The following WWOX variants were observed in gnomAD, a reference collection of about 807,000 sequenced individuals.
WWOX encodes WW domain containing oxidoreductase, also known as WW domain-containing oxidoreductase.
WWOX carries 69 observed loss-of-function variants against 46.2 expected under a neutral mutation model. The observed-to-expected ratio is 1.49, with a 90% CI of 1.23 to 1.82. WWOX has a LOEUF of 1.82. Among genes scored for constraint, WWOX ranks in the 40% most tolerant of loss-of-function variants. The pLI is 0.00. For missense variants in WWOX, 919 were observed against 542.6 expected, an observed-to-expected ratio of 1.69 and a Z score of -6.89; for synonymous variants, 359 against 202.6, an observed-to-expected ratio of 1.77 and a Z score of -6.56.
chr16:78,690,628 A>C (rs954482024), intron 8 of WWOX, among the ~76,000 whole-genome samples: 5 of 151,888 alleles, frequency 3.3e-5, no homozygotes, highest in African/African-American at 1.2e-4. Flanking sequence ...CACACACATG[A>C]ATATATTCAC....
At chr16:78,342,634 C>T (rs924923731) in intron 5 of WWOX, among the ~76,000 whole-genome samples, 1 of 119,750 alleles carries the variant, frequency 8.4e-6, no homozygotes, top group Non-Finnish European at 2.0e-5. Flanking sequence ...ACAGGGAAGC[C>T]CAGAAAAATG....
At chr16:78,205,864 C>T (rs1429098825) in intron 5 of WWOX, among the ~76,000 whole-genome samples, 1 of 151,802 alleles carries the variant, frequency 6.6e-6, no homozygotes, top group Non-Finnish European at 1.5e-5. Context: ...TTCCTTCCTT[C>T]CTTCCGTCCT....
intron 8 of WWOX, among the ~76,000 whole-genome samples, chr16:78,708,015 A>T (rs1282478195): frequency 1.3e-5 from 2 of 152,156 alleles, no homozygotes; most frequent in East Asian, 1.9e-4. Context: ...TCCCATGGCT[A>T]GGATTGTCAG....
intron 4 of WWOX, among the ~76,000 whole-genome samples, chr16:78,149,811 GC>G (rs1275131733): frequency 2.6e-5 from 4 of 152,120 alleles, no homozygotes; most frequent in African/African-American, 4.8e-5. Flanking sequence ...GGCATTCCAG[GC>G]TGGTTTCTCC....
intron 8 of WWOX, among the ~76,000 whole-genome samples, chr16:78,889,612 G>A (rs2151225926): frequency 6.6e-6 from 1 of 152,178 alleles, no homozygotes; most frequent in East Asian, 1.9e-4. Context: ...AGCGTGCCCA[G>A]GGGAAATGGA....
Position 79,049,967 on chromosome 16 carries a change from C to G in WWOX, c.1057-161641C>G, listed in dbSNP as rs1240482718. ...GAAAGACTCCAGGGCAAGAAAAAAACATGTCATGCTTGTACCTGAGGGAAG... is the reference window on the plus strand; with the variant it reads ...GAAAGACTCCAGGGCAAGAAAAAAAGATGTCATGCTTGTACCTGAGGGAAG... On this transcript the variant is annotated intron_variant, in intron 8 of 8. Transcript: ENST00000566780. 8.6e-5 allele frequency among the ~76,000 whole-genome samples: 13 copies of G among 151,714 alleles called. No homozygotes were observed. The East Asian group carries it at 2.3e-3, about 27-fold the overall frequency.
intron 8 of WWOX, among the ~76,000 whole-genome samples, chr16:78,658,057 G>C (rs957540907): frequency 6.6e-6 from 1 of 151,986 alleles, no homozygotes; most frequent in South Asian, 2.1e-4. Context: ...TGTTGGGGGG[G>C]ATTTCCTGTG....
At chr16:78,736,751 C>A (rs150808516) in intron 8 of WWOX, among the ~76,000 whole-genome samples, 1 of 152,220 alleles carries the variant, frequency 6.6e-6, no homozygotes, top group African/African-American at 2.4e-5. Flanking sequence ...AGGCGCATGC[C>A]TCCACATCTG....
chr16:79,130,002 A>T (rs1203947011), intron 8 of WWOX, among the ~76,000 whole-genome samples: 1 of 152,220 alleles, frequency 6.6e-6, no homozygotes, highest in Non-Finnish European at 1.5e-5. Flanking sequence ...AAAAACAGCT[A>T]ATATTTACAG....
At chr16:79,071,597 T>C (rs1480544177) in intron 8 of WWOX, among the ~76,000 whole-genome samples, 2 of 152,274 alleles carry the variant, frequency 1.3e-5, no homozygotes, top group Non-Finnish European at 2.9e-5. Flanking sequence ...GCCAGCCTCC[T>C]GTCCCATTAC....
At chr16:79,031,905 T>TAG (rs1567501240) in intron 8 of WWOX, among the ~76,000 whole-genome samples, 659 of 51,316 alleles carry the variant, frequency 0.013, 6 homozygotes, top group African/African-American at 0.026. Flanking sequence ...GATATCTATA[T>TAG]ATATAGATAT....
chr16:78,901,126 G>C (rs1450715391), intron 8 of WWOX, among the ~76,000 whole-genome samples: 1 of 152,114 alleles, frequency 6.6e-6, no homozygotes, highest in Admixed American at 6.6e-5. Flanking sequence ...CTTCAAGCTG[G>C]GATTCAGAGT....
intron 8 of WWOX, among the ~76,000 whole-genome samples, chr16:78,947,075 G>C (rs1313018122): frequency 6.7e-6 from 1 of 148,804 alleles, no homozygotes; most frequent in Non-Finnish European, 1.5e-5. Flanking sequence ...TTAAAAAAAA[G>C]CCTTACTGCT....
chr16:78,649,345 G>A (rs974287257), intron 8 of WWOX, among the ~76,000 whole-genome samples: 1 of 151,940 alleles, frequency 6.6e-6, no homozygotes, highest in Non-Finnish European at 1.5e-5. Context: ...GTGCAGTGGT[G>A]CAATCCTAGC....
chr16:78,656,036 T>C (rs1426491790), intron 8 of WWOX, among the ~76,000 whole-genome samples: 1 of 152,184 alleles, frequency 6.6e-6, no homozygotes, highest in South Asian at 2.1e-4. Flanking sequence ...ACCAAAGGTC[T>C]GTTTTGAAAT....
chr16:78,648,610 C>T (rs11865031), intron 8 of WWOX, among the ~76,000 whole-genome samples: 5,099 of 152,200 alleles, frequency 0.034, 254 homozygotes, highest in African/African-American at 0.12. Context: ...CAACGCAGGA[C>T]CAACCAGAGA....
intron 8 of WWOX, among the ~76,000 whole-genome samples, chr16:78,724,650 A>G (rs1397581685): frequency 6.6e-6 from 1 of 152,314 alleles, no homozygotes; most frequent in Non-Finnish European, 1.5e-5. Flanking sequence ...AAACATTTCC[A>G]TGCAATTCCC....
chr16:78,333,171 C>T (rs994925104), intron 5 of WWOX, among the ~76,000 whole-genome samples: 1 of 149,608 alleles, frequency 6.7e-6, no homozygotes, highest in Non-Finnish European at 1.5e-5. Context: ...CTGCCTCAGC[C>T]TCCTGGGTAG....
chr16:78,607,471 A>G (rs923745572), intron 8 of WWOX, among the ~76,000 whole-genome samples: 1 of 152,166 alleles, frequency 6.6e-6, no homozygotes, highest in Admixed American at 6.5e-5. Context: ...TCTTTCAAAA[A>G]TTGTTATAAA....
Sources: allele counts gnomAD v4.1 joint callset (sites outside exome capture counted in the v4.1 genomes callset), GRCh38; gene constraint gnomAD v4.1.1; transcripts MANE v1.5; gene names NCBI Gene and HGNC (gene_info 2026-07-23, HGNC 2026-07-21).